The following CPED1 variants were observed in gnomAD, a reference collection of about 807,000 sequenced individuals.
CPED1 encodes the protein cadherin-like and PC-esterase domain-containing protein 1.
CPED1 carries 114 observed loss-of-function variants against 128.2 expected under a neutral mutation model. The observed-to-expected ratio is 0.89, with a 90% CI of 0.76 to 1.04. The LOEUF (loss-of-function observed/expected upper bound fraction) is 1.04. CPED1 is among the 50% of genes least tolerant of loss of function. CPED1 has a pLI of 0.00. For synonymous variants in CPED1, 462 were observed against 426.7 expected (o/e 1.08, Z -1.02); for missense variants, 1,211 against 1,207.1 (o/e 1.00, Z -0.05).
intron 2 of CPED1, among the ~76,000 whole-genome samples, chr7:121,010,000 T>G (rs1241528220): frequency 1.3e-5 from 2 of 152,238 alleles, no homozygotes; most frequent in African/African-American, 4.8e-5. Context: ...GCTCATTTAT[T>G]CATCCATTCC....
At chr7:121,149,651 C>T (rs956084760) in intron 16 of CPED1, 2 of 152,236 alleles carry the variant, frequency 1.3e-5, no homozygotes, top group African/African-American at 4.8e-5. Context: ...TCTGTAAGTA[C>T]TGTCTCTGCA....
At position 121,015,890 on chromosome 7, in the gene CPED1, T is replaced by C. The variant is rs561520233; in HGVS notation, c.433+42T>C. On this transcript the variant is annotated intron_variant, in intron 3 of 22. Transcript: ENST00000310396. Reference sequence around the variant, plus strand: ...GTAACTGCCAAAGTCACTTGACATATAATGTTGAACAATTTCTAGAATGTG... The same window carrying C: ...GTAACTGCCAAAGTCACTTGACATACAATGTTGAACAATTTCTAGAATGTG... 7.5e-6 allele frequency: 10 copies of C among 1,327,248 alleles called. No homozygotes were observed. In the East Asian group the frequency reaches 2.3e-4, roughly 30 times the overall value. 82.2% of individuals were successfully genotyped at this position (1,327,248 alleles called of 1,614,324 possible).
In CPED1 at chr7:121,063,376, A is replaced by C. The variant is rs547294126; in HGVS notation, c.541-862A>C. 8.3e-3 allele frequency among the ~76,000 whole-genome samples: 735 copies of C among 88,620 alleles called. 3 individuals are homozygous for C. Among genetic ancestry groups the C allele is most frequent in the Non-Finnish European group, 0.014 (594 of 42,342 alleles). 58.1% of individuals were successfully genotyped at this position (88,620 alleles called of 152,430 possible). A position where few individuals can be genotyped will look rare whatever the true frequency, so the allele number is the denominator to read the frequency against. On this transcript the variant is annotated intron_variant, in intron 4 of 22. Coordinates refer to ENST00000310396, the MANE Select transcript of CPED1 (RefSeq NM_024913.5). ...TAAATGCTTTATTTTGCAAATGAAGAAACTGAAAAAAAAAAAAAAAAAAAA... is the reference window on the plus strand; with the variant it reads ...TAAATGCTTTATTTTGCAAATGAAGCAACTGAAAAAAAAAAAAAAAAAAAA...
chr7:121,284,253 C>T (rs1323329548), intron 22 of CPED1, among the ~76,000 whole-genome samples: 1 of 152,120 alleles, frequency 6.6e-6, no homozygotes, highest in African/African-American at 2.4e-5. Flanking sequence ...ATGGAGATAA[C>T]CATTATTAAT....
At chr7:121,222,115 C>A (rs1797892583) in intron 16 of CPED1, among the ~76,000 whole-genome samples, 1 of 152,130 alleles carries the variant, frequency 6.6e-6, no homozygotes, top group African/African-American at 2.4e-5. Context: ...TTTAATCTGT[C>A]TTGAATTAAT....
intron 16 of CPED1, among the ~76,000 whole-genome samples, chr7:121,179,230 G>A (rs912708097): frequency 1.3e-5 from 2 of 152,058 alleles, no homozygotes; most frequent in Admixed American, 6.6e-5. Flanking sequence ...GAATGGTGAG[G>A]GCAGACGCTA....
intron 16 of CPED1, among the ~76,000 whole-genome samples, chr7:121,190,430 A>G (rs917012273): frequency 1.3e-5 from 2 of 151,054 alleles, no homozygotes; most frequent in Non-Finnish European, 2.9e-5. Flanking sequence ...TTTATTGGAC[A>G]GGGGTCAGGA....
chr7:121,047,801 C>G lies in CPED1; in HGVS notation c.540+808C>G, dbSNP rs143432378. On this transcript the variant is annotated intron_variant, in intron 4 of 22. Coordinates refer to ENST00000310396, the MANE Select transcript of CPED1 (RefSeq NM_024913.5). ...TCTCGGCTTACTGCAAGCTCCGCCT[C>G]CTGGGTTCACGCCATTCTCCTGCCT... is the stretch of plus-strand genomic sequence containing the variant. 3.3e-3 allele frequency among the ~76,000 whole-genome samples: 506 copies of G among 151,216 alleles called. 2 individuals are homozygous for G. Among genetic ancestry groups the G allele is most frequent in the African/African-American group, 0.012 (479 of 40,820 alleles).
At chr7:121,100,560 T>C (rs1171516544) in intron 7 of CPED1, among the ~76,000 whole-genome samples, 1 of 152,122 alleles carries the variant, frequency 6.6e-6, no homozygotes, top group Non-Finnish European at 1.5e-5. Flanking sequence ...GTGCCTAATA[T>C]AGCAAGCTAT....
intron 2 of CPED1, among the ~76,000 whole-genome samples, chr7:120,997,008 AT>A (rs1376199864): frequency 6.6e-6 from 1 of 152,184 alleles, no homozygotes; most frequent in Non-Finnish European, 1.5e-5. Flanking sequence ...GTAATCCATA[AT>A]CCATAATCCA....
At chr7:121,021,173 T>A (rs941436098) in intron 3 of CPED1, among the ~76,000 whole-genome samples, 12 of 152,060 alleles carry the variant, frequency 7.9e-5, no homozygotes, top group African/African-American at 2.6e-4. Context: ...TTTACCCACA[T>A]GTGTTCTTGG....
intron 7 of CPED1, among the ~76,000 whole-genome samples, chr7:121,108,719 T>A (rs986833923): frequency 3.9e-5 from 6 of 152,082 alleles, no homozygotes; most frequent in Non-Finnish European, 7.4e-5. Flanking sequence ...GAATATGGAA[T>A]ACTGACTTAG....
intron 16 of CPED1, among the ~76,000 whole-genome samples, chr7:121,143,618 G>A (rs1007663491): frequency 6.6e-6 from 1 of 151,836 alleles, no homozygotes; most frequent in African/African-American, 2.4e-5. Flanking sequence ...CTTAGAGGGA[G>A]GTGTGCTTTT....
intron 22 of CPED1, among the ~76,000 whole-genome samples, chr7:121,277,845 A>G (rs767171091): frequency 2.0e-5 from 3 of 152,166 alleles, no homozygotes; most frequent in Non-Finnish European, 4.4e-5. Context: ...GTCTGGAGAA[A>G]TAGGAGCATT....
chr7:121,132,243 C>T (rs1424237268), intron 12 of CPED1, among the ~76,000 whole-genome samples: 1 of 151,968 alleles, frequency 6.6e-6, no homozygotes, highest in Non-Finnish European at 1.5e-5. Context: ...GTTCAGGTTA[C>T]AAAGCTAATA....
chr7:121,107,590 T>C (rs950042413), intron 7 of CPED1, among the ~76,000 whole-genome samples: 1 of 152,086 alleles, frequency 6.6e-6, no homozygotes, highest in Non-Finnish European at 1.5e-5. Flanking sequence ...CAAAGTGGTA[T>C]GTGGGTGCAA....
chr7:121,177,713 T>C (rs1796816186), intron 16 of CPED1, among the ~76,000 whole-genome samples: 1 of 152,016 alleles, frequency 6.6e-6, no homozygotes, highest in Non-Finnish European at 1.5e-5. Context: ...CTTTCTGAAG[T>C]GGTCTTTAAG....
At chr7:121,208,278 T>G (rs1797565919) in intron 16 of CPED1, among the ~76,000 whole-genome samples, 1 of 152,052 alleles carries the variant, frequency 6.6e-6, no homozygotes, top group African/African-American at 2.4e-5. Context: ...AACATAGTAC[T>G]AATACCAGAT....
chr7:121,010,488 A>G (rs1792130226), intron 2 of CPED1, among the ~76,000 whole-genome samples: 1 of 152,130 alleles, frequency 6.6e-6, no homozygotes, highest in South Asian at 2.1e-4. Flanking sequence ...ACCTCAAGTG[A>G]TCCTCCTATT....
Sources: gnomAD v4.1 joint callset for allele counts (sites outside exome capture counted in the v4.1 genomes callset) on GRCh38, gnomAD v4.1.1 for gene constraint, MANE v1.5 for transcripts, NCBI Gene and HGNC (gene_info 2026-07-23, HGNC 2026-07-21) for gene names.